SENP6: variants seen among roughly 807,000 people sequenced by gnomAD.
The protein encoded by SENP6 is sentrin-specific protease 6.
SENP6 carries 41 observed loss-of-function variants against 134.5 expected under a neutral mutation model. That is an observed-to-expected ratio of 0.30 (90% CI 0.24 to 0.40). SENP6 has a LOEUF of 0.40. SENP6 is among the 10% of genes least tolerant of loss of function. The pLI is 1.00. For synonymous variants in SENP6, 395 were observed against 429.8 expected, an observed-to-expected ratio of 0.92 and a Z score of 1.00; for missense variants, 1,248 against 1,312.5, an observed-to-expected ratio of 0.95 and a Z score of 0.76.
intron 1 of SENP6, among the ~76,000 whole-genome samples, chr6:75,605,280 C>T (rs1766947102): frequency 6.6e-6 from 1 of 152,196 alleles, no homozygotes; most frequent in African/African-American, 2.4e-5. Flanking sequence ...CCTACTCTAA[C>T]AGTCAGTGTA....
At chr6:75,642,528 G>GA (rs895613608) in intron 6 of SENP6, among the ~76,000 whole-genome samples, 1 of 152,084 alleles carries the variant, frequency 6.6e-6, no homozygotes, top group Non-Finnish European at 1.5e-5. Context: ...TCAAAGAACA[G>GA]AAAAAAGGGG....
intron 16 of SENP6, among the ~76,000 whole-genome samples, chr6:75,694,795 T>C (rs1393634599): frequency 6.6e-6 from 1 of 152,238 alleles, no homozygotes; most frequent in Non-Finnish European, 1.5e-5. Context: ...GCATTTTTCT[T>C]ATGCTTTTGG....
At chr6:75,625,157 A>G (rs1326668549) in intron 3 of SENP6, among the ~76,000 whole-genome samples, 4 of 139,924 alleles carry the variant, frequency 2.9e-5, no homozygotes, top group African/African-American at 1.1e-4. Flanking sequence ...TCTTGCCCAG[A>G]ATAGAGTGCA....
chr6:75,711,458 A>C, intron 21 of SENP6, 42 bp downstream of exon 21: 1 of 1,319,672 alleles, frequency 7.6e-7, no homozygotes. Context: ...ATAATTTTTA[A>C]GTATGCTCAT....
chr6:75,701,212 C>T (rs1009409936), intron 18 of SENP6, among the ~76,000 whole-genome samples: 7 of 152,180 alleles, frequency 4.6e-5, no homozygotes, highest in Non-Finnish European at 7.4e-5. Context: ...TATTATTGTG[C>T]TTGACCAATA....
chr6:75,675,856 C>T lies in SENP6; in HGVS notation c.1427-4C>T. ...ATTTTTCCATTTCATTTGTTTTCCT[C>T]CAGAACCAGACCATGATCCTGTAGA... On this transcript the variant is annotated splice_region_variant and splice_polypyrimidine_tract_variant and intron_variant, in intron 12 of 23. Coordinates refer to ENST00000447266, the MANE Select transcript of SENP6 (RefSeq NM_015571.4). The T allele has an allele frequency of 6.4e-7, 1 of 1,570,790 alleles. No homozygotes were observed.
At chr6:75,666,245 AATAT>A (rs1276483718) in intron 9 of SENP6, among the ~76,000 whole-genome samples, 4 of 147,404 alleles carry the variant, frequency 2.7e-5, no homozygotes, top group South Asian at 2.1e-4. Context: ...TGATATATAA[AATAT>A]ATATACGATA....
intron 16 of SENP6, among the ~76,000 whole-genome samples, chr6:75,695,575 T>C (rs1774605428): frequency 6.6e-6 from 1 of 152,018 alleles, no homozygotes; most frequent in Non-Finnish European, 1.5e-5. Flanking sequence ...CTATCTCTAC[T>C]AAAATAGAAA....
At position 75,713,498 on chromosome 6, in the gene SENP6, A is replaced by G. The variant is rs1025595994; in HGVS notation, c.2910-15A>G. 8.7e-6 allele frequency: 14 copies of G among 1,604,616 alleles called. No individual in the cohort carries two copies. The highest frequency in any genetic ancestry group is 1.3e-5 in the African/African-American group (1 of 74,532). On this transcript the variant is annotated splice_polypyrimidine_tract_variant and intron_variant, in intron 21 of 23. Transcript: ENST00000447266. ...ATTATGAAGTATTCGACTTTTGGTC[A>G]TTTTTACCCTGCAGACCTTGTATCC...
intron 18 of SENP6, among the ~76,000 whole-genome samples, chr6:75,699,871 C>T (rs1442766809): frequency 6.6e-6 from 1 of 151,990 alleles, no homozygotes; most frequent in Non-Finnish European, 1.5e-5. Flanking sequence ...ATGTGTGGAT[C>T]TAATCTATCT....
chr6:75,673,060 C>A (rs942644618), intron 11 of SENP6, among the ~76,000 whole-genome samples: 2 of 152,142 alleles, frequency 1.3e-5, no homozygotes, highest in African/African-American at 4.8e-5. Flanking sequence ...ATCTCTTGAC[C>A]TTGTGATCCG....
intron 6 of SENP6, among the ~76,000 whole-genome samples, chr6:75,641,787 T>A (rs1208795345): frequency 1.3e-5 from 2 of 152,054 alleles, no homozygotes; most frequent in Non-Finnish European, 2.9e-5. Context: ...AGACTAGCCT[T>A]GGCAACATAG....
intron 19 of SENP6, among the ~76,000 whole-genome samples, chr6:75,708,630 C>T (rs545435085): frequency 4.6e-5 from 7 of 152,286 alleles, no homozygotes; most frequent in African/African-American, 1.7e-4. Context: ...CACGGTGGCT[C>T]ATGCCTGTAA....
At chr6:75,655,388 T>A (rs1771238633) in intron 7 of SENP6, 1 of 152,180 alleles carries the variant, frequency 6.6e-6, no homozygotes, top group Non-Finnish European at 1.5e-5. Context: ...CTAACCAAAA[T>A]CCCCATGAAG....
At chr6:75,606,937 TAG>T (rs558476915) in intron 1 of SENP6, among the ~76,000 whole-genome samples, 2 of 151,964 alleles carry the variant, frequency 1.3e-5, no homozygotes, top group African/African-American at 2.4e-5. Flanking sequence ...GCTTTCTAGG[TAG>T]AGAGAGTAAA....
chr6:75,707,869 T>G (rs910309757), intron 19 of SENP6, among the ~76,000 whole-genome samples: 1 of 152,028 alleles, frequency 6.6e-6, no homozygotes, highest in South Asian at 2.1e-4. Flanking sequence ...TTATTTTGTT[T>G]GTAGAGACAG....
chr6:75,644,814 G>A (rs994944815), intron 6 of SENP6, among the ~76,000 whole-genome samples: 7 of 152,166 alleles, frequency 4.6e-5, no homozygotes, highest in Admixed American at 2.6e-4. Context: ...AATTTAGTTC[G>A]TAATAGTGTA....
At chr6:75,621,307 T>C (rs956201090) in intron 1 of SENP6, among the ~76,000 whole-genome samples, 2 of 152,222 alleles carry the variant, frequency 1.3e-5, no homozygotes, top group East Asian at 1.9e-4. Flanking sequence ...AATCTGAGCT[T>C]CTTTGTGTAG....
chr6:75,624,701 T>TTCTA (rs748556149), intron 3 of SENP6, among the ~76,000 whole-genome samples: 2 of 152,232 alleles, frequency 1.3e-5, no homozygotes, highest in Non-Finnish European at 2.9e-5. Context: ...TTGCCCATTT[T>TTCTA]TCTATCTGGT....
Sources: gnomAD v4.1 joint callset for allele counts (sites outside exome capture counted in the v4.1 genomes callset) on GRCh38, gnomAD v4.1.1 for gene constraint, MANE v1.5 for transcripts, NCBI Gene and HGNC (gene_info 2026-07-23, HGNC 2026-07-21) for gene names.